The following ALG1 variants were observed in gnomAD, a reference collection of about 807,000 sequenced individuals.
ALG1 encodes ALG1 chitobiosyldiphosphodolichol beta-mannosyltransferase.
ALG1 carries 58 observed loss-of-function variants against 55.1 expected under a neutral mutation model. The observed-to-expected ratio is 1.05, with a 90% CI of 0.85 to 1.31. The LOEUF is 1.31. Among genes scored for constraint, ALG1 ranks in the 50% most tolerant of loss-of-function variants. The pLI is 0.00. For missense variants in ALG1, 761 were observed against 598.6 expected (o/e 1.27, Z -2.83); for synonymous variants, 309 against 247.0 (o/e 1.25, Z -2.35).
At chr16:5,078,324 T>G in intron 6 of ALG1, 1 of 614,392 alleles carries the variant, frequency 1.6e-6, no homozygotes, top group South Asian at 1.5e-5. Flanking sequence ...CTGCGCTGTC[T>G]TACTCTCCTG....
intron 4 of ALG1, 70 bp downstream of exon 4, chr16:5,075,606 T>G: frequency 6.3e-7 from 1 of 1,590,500 alleles, no homozygotes; most frequent in Non-Finnish European, 8.6e-7. Flanking sequence ...AGAAGGGCCA[T>G]AGTGGGCCTC....
intron 8 of ALG1, among the ~76,000 whole-genome samples, chr16:5,079,417 T>C (rs917598326): frequency 3.9e-5 from 6 of 152,206 alleles, no homozygotes; most frequent in Non-Finnish European, 2.9e-5. Flanking sequence ...TGAATGGGCA[T>C]GGTGGCTCAA....
In ALG1 at chr16:5,079,046, T is replaced by G. The variant is rs1956968086; in HGVS notation, c.863-18T>G. On this transcript the variant is annotated intron_variant, in intron 7 of 12. Coordinates refer to ENST00000262374, the MANE Select transcript of ALG1 (RefSeq NM_019109.5). The stretch of plus-strand genomic sequence containing the variant: ...GTGTCTAGAAACAGGCCCCTGACAT[T>G]CAATTCTCTTCTCATAGAGGACGAA... 1 of 1,602,992 alleles carries G rather than the reference T, an allele frequency of 6.2e-7. No individual in the cohort carries two copies. The highest frequency in any genetic ancestry group is 8.5e-7 in the Non-Finnish European group (1 of 1,179,608).
rs776869363 is a variant in ALG1, at chr16:5,084,860, C to T, written c.1374C>T (p.Leu458=). Residue 458 remains leucine, a synonymous_variant, in exon 13 of 13, where the codon CTC becomes CTT. Transcript: ENST00000262374. ...RWDESWVQTV[L]PLVMDT ...ATGAGAGCTGGGTGCAGACTGTGCTCCCTTTGGTTATGGACACATAACTCC... is the reference window on the plus strand; with the variant it reads ...ATGAGAGCTGGGTGCAGACTGTGCTTCCTTTGGTTATGGACACATAACTCC... The T allele has an allele frequency of 2.5e-6, 4 of 1,596,176 alleles. No homozygotes were observed. Among genetic ancestry groups the T allele is most frequent in the African/African-American group, 2.7e-5 (2 of 74,806 alleles).
intron 6 of ALG1, chr16:5,078,542 A>G: frequency 1.2e-6 from 1 of 809,162 alleles, no homozygotes; most frequent in Non-Finnish European, 2.1e-6. Flanking sequence ...AAAAGGAATG[A>G]GTCAGTCTTG....
intron 11 of ALG1, among the ~76,000 whole-genome samples, chr16:5,083,114 G>T (rs1403881533): frequency 6.6e-6 from 1 of 152,154 alleles, no homozygotes; most frequent in Non-Finnish European, 1.5e-5. Flanking sequence ...TCAGTTAAAT[G>T]AGTGTCATGC....
At chr16:5,077,627 AG>A in intron 5 of ALG1, 93 bp downstream of exon 5, 3 of 1,342,394 alleles carry the variant, frequency 2.2e-6, no homozygotes, top group Non-Finnish European at 2.1e-6. Context: ...CGTCCTGCTG[AG>A]GGGCAATTTG....
At chr16:5,073,743 T>C (rs543810499) in intron 3 of ALG1, among the ~76,000 whole-genome samples, 1 of 152,366 alleles carries the variant, frequency 6.6e-6, no homozygotes, top group East Asian at 1.9e-4. Flanking sequence ...AGACAGAGTT[T>C]CGCTCTTGCC....
rs1412356637 is a variant in ALG1 at position 5,078,792 on chromosome 16, C to A, written c.776C>A (p.Ala259Asp). Reference sequence around the variant, plus strand: ...GAGGACCCAGTCACGGAGCGGTCGGCCTTCACGGAGCGGGATGCTGGGAGC... The same window carrying A: ...GAGGACCCAGTCACGGAGCGGTCGGACTTCACGGAGCGGGATGCTGGGAGC... ...EPEDPVTERS[A>D]FTERDAGSGL... is the part of the protein sequence containing the mutation. Residue 259 changes from alanine (A) to aspartate (D), a missense_variant, in exon 7 of 13, where the codon GCC becomes GAC. Physicochemically the swap from Ala to Asp is moderately radical, Grantham distance 126. Transcript: ENST00000262374. The A allele has an allele frequency of 2.5e-6, 4 of 1,612,754 alleles. No homozygotes were observed. The highest frequency in any genetic ancestry group is 3.4e-6 in the Non-Finnish European group (4 of 1,179,808).
chr16:5,079,001 G>C (rs1157446720), intron 7 of ALG1, 63 bp from the exon 8 acceptor site: 1 of 1,600,136 alleles, frequency 6.2e-7, no homozygotes, highest in African/African-American at 1.3e-5. Flanking sequence ...GAACGGGAGG[G>C]CCTGTGAGCT....
chr16:5,072,111 G>A (rs1160168243), intron 1 of ALG1, 54 bp downstream of exon 1: 1 of 1,550,308 alleles, frequency 6.5e-7, no homozygotes, highest in South Asian at 1.2e-5. Context: ...TTGATCCTCG[G>A]TTCTAACCGC....
rs752633027 is a variant in ALG1, at chr16:5,084,932, C to T, written c.*51C>T. 1.3e-6 allele frequency: 2 copies of T among 1,596,270 alleles called. No homozygotes were observed. Among genetic ancestry groups the T allele is most frequent in the Non-Finnish European group, 1.7e-6 (2 of 1,179,666 alleles). ...AGGACCCCTGCTGTCCTTCCCGCAG[C>T]TTCTTCTTGGAGTCTCAGGGCAAAC... On this transcript the variant is annotated 3_prime_UTR_variant, in exon 13 of 13. Coordinates refer to ENST00000262374, the MANE Select transcript of ALG1 (RefSeq NM_019109.5).
At position 5,077,307 on chromosome 16, in the gene ALG1, C is replaced by A. The variant is rs1017411160; in HGVS notation, c.540-138C>A. On this transcript the variant is annotated intron_variant, in intron 4 of 12. Coordinates refer to ENST00000262374, the MANE Select transcript of ALG1 (RefSeq NM_019109.5). Reference sequence around the variant, plus strand: ...GGGTATATACAGCATAAAGAAAGAACACTGGCACAGCTGGGGCTCAGGGAG... The same window carrying A: ...GGGTATATACAGCATAAAGAAAGAAAACTGGCACAGCTGGGGCTCAGGGAG... 6 of 764,344 alleles carry A rather than the reference C, an allele frequency of 7.8e-6. No homozygotes were observed. The African/African-American group carries it at 1.0e-4, about 13-fold the overall frequency. The allele number at this position is 764,344 out of a possible 1,614,324, so 47.3% of individuals were successfully genotyped here.
At position 5,072,285 on chromosome 16, in the gene ALG1, G is replaced by A. The variant is rs548094776; in HGVS notation, c.208+228G>A. 1.1e-5 allele frequency: 16 copies of A among 1,439,870 alleles called. No homozygotes were observed. The South Asian group carries it at 2.0e-4, about 18-fold the overall frequency. The allele number at this position is 1,439,870 out of a possible 1,614,324, so 89.2% of individuals were successfully genotyped here. A position where few individuals can be genotyped will look rare whatever the true frequency, so the allele number is the denominator to read the frequency against. On this transcript the variant is annotated intron_variant, in intron 1 of 12. Transcript: ENST00000262374. ...GTGTGTTAAGTGAATCCATTGCGTG[G>A]TCTCACGTAATTCTCCTAGTAAGTG...
In ALG1 at chr16:5,085,621, G is replaced by A. The variant is rs186337138; in HGVS notation, c.*740G>A. ...TGATTCTCACAATCCCGTTGGAGTC[G>A]TGTGTGAGTCCTACAGGGTGAGATT... On this transcript the variant is annotated 3_prime_UTR_variant, in exon 13 of 13. Transcript: ENST00000262374. 3.0e-5 allele frequency: 47 copies of A among 1,562,420 alleles called. No individual in the cohort carries two copies. Among genetic ancestry groups the A allele is most frequent in the African/African-American group, 1.4e-4 (10 of 73,912 alleles).
chr16:5,077,901 T>C lies in ALG1; in HGVS notation c.630-6T>C. 1 of 1,607,986 alleles carries C rather than the reference T, an allele frequency of 6.2e-7. No homozygotes were observed. On this transcript the variant is annotated splice_region_variant and splice_polypyrimidine_tract_variant and intron_variant, in intron 5 of 12. Coordinates refer to ENST00000262374, the MANE Select transcript of ALG1 (RefSeq NM_019109.5). ...TCCCAATAGCCCCGTCATGATTTCA[T>C]TGCAGGGCTGTGACCGTCTACGACA... is the stretch of plus-strand genomic sequence containing the variant.
intron 12 of ALG1, 148 bp downstream of exon 12, chr16:5,083,905 T>C (rs1957063505): frequency 6.9e-6 from 9 of 1,304,070 alleles, no homozygotes; most frequent in Non-Finnish European, 9.4e-6. Context: ...TCACAGAGGC[T>C]GGCCCACTCT....
chr16:5,073,079 G>C (rs770524498), intron 2 of ALG1, 51 bp downstream of exon 2: 2 of 1,611,732 alleles, frequency 1.2e-6, no homozygotes, highest in East Asian at 2.2e-5. Flanking sequence ...CTGGGGGCAG[G>C]GGGTGTTCGT....
chr16:5,084,041 A>C (rs1442253655), intron 12 of ALG1, among the ~76,000 whole-genome samples: 1 of 152,200 alleles, frequency 6.6e-6, no homozygotes, highest in Non-Finnish European at 1.5e-5. Context: ...CGGTTGAGGA[A>C]GTGATCAGGA....
Sources: allele counts gnomAD v4.1 joint callset (sites outside exome capture counted in the v4.1 genomes callset), GRCh38; gene constraint gnomAD v4.1.1; transcripts MANE v1.5; gene names NCBI Gene and HGNC (gene_info 2026-07-23, HGNC 2026-07-21).